KIAA1217: variants seen among roughly 807,000 people sequenced by gnomAD.
KIAA1217 encodes KIAA1217, also known as sickle tail protein homolog.
Under a neutral mutation model 163.9 loss-of-function variants are expected in KIAA1217, and 88 were observed. That is an observed-to-expected ratio of 0.54 (90% CI 0.45 to 0.64). The LOEUF (loss-of-function observed/expected upper bound fraction) is 0.64. KIAA1217 is among the 30% of genes least tolerant of loss of function. The probability of loss-of-function intolerance (pLI) is 0.00; values close to 1 mark genes in which losing one functional copy is unlikely to be tolerated. For missense variants in KIAA1217, 2,372 were observed against 2,475.0 expected (o/e 0.96, Z 0.88); for synonymous variants, 903 against 923.1 (o/e 0.98, Z 0.39).
At chr10:23,866,194 G>A (rs562736428) in intron 1 of KIAA1217, among the ~76,000 whole-genome samples, 2 of 152,238 alleles carry the variant, frequency 1.3e-5, no homozygotes, top group East Asian at 3.9e-4. Context: ...TCTATGATGT[G>A]TGATGTCGGG....
chr10:24,345,544 G>T (rs928355494), intron 2 of KIAA1217, among the ~76,000 whole-genome samples: 1 of 152,244 alleles, frequency 6.6e-6, no homozygotes, highest in Admixed American at 6.5e-5. Flanking sequence ...AGTCCGACTT[G>T]ATTGAGTGCA....
intron 17 of KIAA1217, chr10:24,542,366 C>A: frequency 2.6e-6 from 1 of 384,146 alleles, no homozygotes; most frequent in Non-Finnish European, 4.3e-6. Flanking sequence ...GTTTTAAATT[C>A]TGCTAAGCTC....
At chr10:24,380,729 T>G in intron 2 of KIAA1217, 140 bp from the exon 3 acceptor site, 1 of 509,718 alleles carries the variant, frequency 2.0e-6, no homozygotes, top group East Asian at 3.4e-5. Flanking sequence ...GGGTCTTTAG[T>G]TTTCCCTATC....
In KIAA1217 at chr10:24,513,345, G is replaced by A. The variant is rs2069509212; in HGVS notation, c.2088G>A (p.Leu696=). 1 of 1,614,178 alleles carries A rather than the reference G, an allele frequency of 6.2e-7. No homozygotes were observed. Among genetic ancestry groups the A allele is most frequent in the Non-Finnish European group, 8.5e-7 (1 of 1,180,008 alleles). The change falls in exon 10 of 21, where the codon CTG becomes CTA. Residue 696 remains leucine (L), a synonymous_variant. Coordinates refer to ENST00000376454, the MANE Select transcript of KIAA1217 (RefSeq NM_019590.5). ...SGKVMETMKR[L]EDPVQRQRVL... is the part of the protein sequence containing the mutation. Reference sequence around the variant, plus strand: ...AAGTGATGGAAACAATGAAGAGACTGGAGGATCCCGTGCAGCGACAGCGCG... The same window carrying A: ...AAGTGATGGAAACAATGAAGAGACTAGAGGATCCCGTGCAGCGACAGCGCG...
intron 1 of KIAA1217, among the ~76,000 whole-genome samples, chr10:23,749,881 T>C (rs7905118): frequency 0.098 from 14,868 of 152,234 alleles, 1,533 homozygotes; most frequent in African/African-American, 0.26. Flanking sequence ...GGGACTAATA[T>C]TGACTTCAAA....
chr10:24,030,842 G>C (rs1760504799), intron 2 of KIAA1217, among the ~76,000 whole-genome samples: 2 of 152,176 alleles, frequency 1.3e-5, no homozygotes, highest in Admixed American at 1.3e-4. Context: ...GCACATGTCA[G>C]AAGTTCCTGC....
intron 1 of KIAA1217, among the ~76,000 whole-genome samples, chr10:23,926,122 AAG>A (rs1843008984): frequency 6.6e-6 from 1 of 152,078 alleles, no homozygotes; most frequent in Admixed American, 6.6e-5. Flanking sequence ...CCTCAGGAAA[AAG>A]AAGGAAGAAG....
chr10:23,953,885 A>C (rs1397036719), intron 1 of KIAA1217, among the ~76,000 whole-genome samples: 6 of 152,216 alleles, frequency 3.9e-5, no homozygotes. Flanking sequence ...CAGCACCAGA[A>C]CCAGCTTTAT....
At chr10:24,137,463 A>C (rs982913796) in intron 2 of KIAA1217, among the ~76,000 whole-genome samples, 9 of 152,068 alleles carry the variant, frequency 5.9e-5, no homozygotes, top group African/African-American at 2.2e-4. Flanking sequence ...CTGCACCAAC[A>C]CTCTTTGGAA....
Position 24,544,410 on chromosome 10 carries a change from C to T in KIAA1217, c.5140C>T (p.Pro1714Ser), listed in dbSNP as rs751089278. 1.9e-6 allele frequency: 3 copies of T among 1,614,142 alleles called. No individual in the cohort carries two copies. The highest frequency in any genetic ancestry group is 2.5e-6 in the Non-Finnish European group (3 of 1,180,028). Residue 1714 changes from proline (P) to serine (S), a missense_variant, in exon 19 of 21, where the codon CCC (proline) becomes TCC (serine). By Grantham distance (74) the Pro-to-Ser change is moderately conservative. This residue lies in a region of KIAA1217 where 690 missense variants were observed against 677.5 expected (regional missense o/e 1.02). Coordinates refer to ENST00000376454, the MANE Select transcript of KIAA1217 (RefSeq NM_019590.5). ...SHIAQEASPR[P>S]LLVPDEGPTA... is the part of the protein sequence containing the mutation. ...CATAGCCCAAGAGGCCTCTCCCCGA[C>T]CCTTGCTAGTTCCGGATGAAGGTCC...
intron 2 of KIAA1217, among the ~76,000 whole-genome samples, chr10:24,183,103 C>T (rs571903178): frequency 6.6e-6 from 1 of 152,290 alleles, no homozygotes; most frequent in Admixed American, 6.5e-5. Flanking sequence ...TGGGACACCC[C>T]CCAGGTTTTC....
chr10:23,736,086 T>C (rs373671450), intron 1 of KIAA1217, among the ~76,000 whole-genome samples: 1 of 152,366 alleles, frequency 6.6e-6, no homozygotes, highest in African/African-American at 2.4e-5. Flanking sequence ...TTCATCATGA[T>C]ACATTTTTAT....
At chr10:24,022,323 G>T (rs1298551540) in intron 2 of KIAA1217, among the ~76,000 whole-genome samples, 1 of 151,658 alleles carries the variant, frequency 6.6e-6, no homozygotes, top group Non-Finnish European at 1.5e-5. Context: ...CTCTAAAGAA[G>T]ATATACAGAT....
intron 2 of KIAA1217, among the ~76,000 whole-genome samples, chr10:24,264,765 T>TTCTCTCTCTCTC (rs55761615): frequency 7.7e-4 from 101 of 131,916 alleles, no homozygotes; most frequent in African/African-American, 2.4e-3. Flanking sequence ...CGGTCGGTCT[T>TTCTCTCTCTCTC]TCTCTCTCTC....
intron 2 of KIAA1217, among the ~76,000 whole-genome samples, chr10:24,283,653 G>A (rs976481712): frequency 4.6e-5 from 7 of 151,942 alleles, no homozygotes; most frequent in African/African-American, 9.7e-5. Flanking sequence ...GGAACAAAGC[G>A]ACACTCCATC....
chr10:23,713,532 T>G (rs901590084), intron 1 of KIAA1217, among the ~76,000 whole-genome samples: 1 of 152,144 alleles, frequency 6.6e-6, no homozygotes. Flanking sequence ...TAAATTGTGT[T>G]GACCACTCTA....
intron 2 of KIAA1217, among the ~76,000 whole-genome samples, chr10:24,144,659 C>T (rs909137830): frequency 8.5e-5 from 13 of 152,276 alleles, no homozygotes; most frequent in African/African-American, 2.4e-4. Flanking sequence ...GGAGATGATA[C>T]GTGTCTAAAA....
intron 2 of KIAA1217, among the ~76,000 whole-genome samples, chr10:24,303,445 G>T (rs1590774274): frequency 6.6e-6 from 1 of 152,214 alleles, no homozygotes; most frequent in African/African-American, 2.4e-5. Context: ...CATGACTAGG[G>T]TGGTGGCCAT....
intron 1 of KIAA1217, among the ~76,000 whole-genome samples, chr10:23,914,035 GACCC>G (rs1208707149): frequency 1.3e-5 from 2 of 152,118 alleles, no homozygotes; most frequent in East Asian, 3.9e-4. Flanking sequence ...GGGAGAAAGG[GACCC>G]AGCCTTACCA....
Sources: allele counts gnomAD v4.1 joint callset (sites outside exome capture counted in the v4.1 genomes callset), GRCh38; gene constraint gnomAD v4.1.1; regional missense constraint gnomAD v4.1.1; transcripts MANE v1.5; gene names NCBI Gene and HGNC (gene_info 2026-07-23, HGNC 2026-07-21).